The following LRRC4C variants were observed in gnomAD, a reference collection of about 807,000 sequenced individuals.
LRRC4C encodes leucine-rich repeat-containing protein 4C.
Under a neutral mutation model 33.6 loss-of-function variants are expected in LRRC4C, and 5 were observed. The observed-to-expected ratio is 0.15, with a 90% CI of 0.08 to 0.31. The LOEUF (loss-of-function observed/expected upper bound fraction) is 0.31. Among genes scored for constraint, LRRC4C ranks in the 10% least tolerant of loss-of-function variants. LRRC4C has a pLI of 1.00. For missense variants in LRRC4C, 560 were observed against 796.7 expected (o/e 0.70, Z 3.58); for synonymous variants, 329 against 302.0 (o/e 1.09, Z -0.93).
chr11:40,230,922 C>T (rs1865152520), intron 5 of LRRC4C, among the ~76,000 whole-genome samples: 1 of 152,192 alleles, frequency 6.6e-6, no homozygotes, highest in South Asian at 2.1e-4. Flanking sequence ...TAAAAGGCCA[C>T]TGTGTTGCAC....
At chr11:40,930,045 T>C (rs1171583572) in intron 2 of LRRC4C, among the ~76,000 whole-genome samples, 1 of 152,136 alleles carries the variant, frequency 6.6e-6, no homozygotes, top group Non-Finnish European at 1.5e-5. Context: ...TGAAAGTTTC[T>C]TACAAATATA....
chr11:41,251,318 C>G (rs558490820), intron 1 of LRRC4C, among the ~76,000 whole-genome samples: 1 of 152,316 alleles, frequency 6.6e-6, no homozygotes, highest in South Asian at 2.1e-4. Flanking sequence ...TCACTAACAT[C>G]TAATTCTTCG....
At chr11:40,656,694 A>G (rs774894112) in intron 2 of LRRC4C, among the ~76,000 whole-genome samples, 34 of 152,194 alleles carry the variant, frequency 2.2e-4, no homozygotes, top group Non-Finnish European at 4.0e-4. Context: ...TGCTAATTTT[A>G]GTCATTATGC....
chr11:40,424,351 TA>T (rs1273527640), intron 3 of LRRC4C, among the ~76,000 whole-genome samples: 2 of 152,186 alleles, frequency 1.3e-5, no homozygotes, highest in Non-Finnish European at 2.9e-5. Context: ...TGAAGAGCCT[TA>T]AAAACTTTCA....
intron 1 of LRRC4C, among the ~76,000 whole-genome samples, chr11:41,112,320 G>A (rs1228113977): frequency 1.3e-5 from 2 of 151,972 alleles, no homozygotes; most frequent in East Asian, 1.9e-4. Flanking sequence ...CAGACACTTC[G>A]GCAGAAATTG....
intron 1 of LRRC4C, among the ~76,000 whole-genome samples, chr11:41,389,256 T>A (rs1312929458): frequency 6.6e-6 from 1 of 151,834 alleles, no homozygotes; most frequent in Admixed American, 6.6e-5. Flanking sequence ...GTGGTGTAAG[T>A]ACCCTTATGA....
At chr11:40,445,062 T>C (rs1305171929) in intron 3 of LRRC4C, among the ~76,000 whole-genome samples, 2 of 152,152 alleles carry the variant, frequency 1.3e-5, no homozygotes, top group East Asian at 1.9e-4. Flanking sequence ...GCATAAGCAA[T>C]TGTGGAGGAC....
chr11:40,671,802 T>C (rs1047715874), intron 2 of LRRC4C, among the ~76,000 whole-genome samples: 2 of 152,120 alleles, frequency 1.3e-5, no homozygotes, highest in African/African-American at 4.8e-5. Flanking sequence ...TTACTCTGTT[T>C]TATATTTTCA....
intron 1 of LRRC4C, among the ~76,000 whole-genome samples, chr11:40,990,244 T>G (rs1169176571): frequency 7.9e-6 from 1 of 126,842 alleles, no homozygotes; most frequent in African/African-American, 3.2e-5. Flanking sequence ...TATATATATA[T>G]ATATATATAT....
chr11:40,297,811 A>T (rs1286584958), intron 4 of LRRC4C, among the ~76,000 whole-genome samples: 2 of 152,162 alleles, frequency 1.3e-5, no homozygotes, highest in Non-Finnish European at 2.9e-5. Context: ...GCCATTGATG[A>T]AATTGGACTT....
chr11:40,562,755 T>G (rs1018954745), intron 3 of LRRC4C, among the ~76,000 whole-genome samples: 1 of 152,110 alleles, frequency 6.6e-6, no homozygotes, highest in Non-Finnish European at 1.5e-5. Flanking sequence ...CTATGACTAC[T>G]CCAAGCCAAT....
chr11:40,516,724 T>G (rs1387147493), intron 3 of LRRC4C, among the ~76,000 whole-genome samples: 2 of 152,120 alleles, frequency 1.3e-5, no homozygotes, highest in African/African-American at 4.8e-5. Context: ...CAATTTTTCT[T>G]CTGCATAAAA....
chr11:40,906,544 A>C (rs1330223544), intron 2 of LRRC4C, among the ~76,000 whole-genome samples: 1 of 152,080 alleles, frequency 6.6e-6, no homozygotes, highest in Non-Finnish European at 1.5e-5. Context: ...ACAAACAAAC[A>C]AACCTACATA....
chr11:41,287,976 G>T (rs929517467), intron 1 of LRRC4C, among the ~76,000 whole-genome samples: 1 of 152,134 alleles, frequency 6.6e-6, no homozygotes, highest in African/African-American at 2.4e-5. Context: ...CATGGGAGAG[G>T]TCTGCACCAG....
intron 1 of LRRC4C, among the ~76,000 whole-genome samples, chr11:41,035,287 C>T (rs867461439): frequency 2.0e-5 from 3 of 151,950 alleles, no homozygotes; most frequent in Middle Eastern, 3.4e-3. Flanking sequence ...TAAACATGTG[C>T]CATGATGGTT....
intron 1 of LRRC4C, among the ~76,000 whole-genome samples, chr11:40,978,063 C>T (rs565704046): frequency 6.6e-6 from 1 of 152,348 alleles, no homozygotes; most frequent in South Asian, 2.1e-4. Flanking sequence ...CTATCCCTGA[C>T]AGAGTCCTCA....
chr11:40,451,602 G>T (rs57148181), intron 3 of LRRC4C, among the ~76,000 whole-genome samples: 7,375 of 151,658 alleles, frequency 0.049, 409 homozygotes, highest in African/African-American at 0.13. Context: ...GGCCAGGCTG[G>T]TCTCAAACTC....
chr11:41,260,092 AAG>A (rs1948929846), intron 1 of LRRC4C, among the ~76,000 whole-genome samples: 1 of 152,008 alleles, frequency 6.6e-6, no homozygotes, highest in Non-Finnish European at 1.5e-5. Flanking sequence ...TTTTAAATGA[AAG>A]AATTAGGACT....
chr11:41,039,981 C>CA (rs1186859464), intron 1 of LRRC4C, among the ~76,000 whole-genome samples: 2 of 151,306 alleles, frequency 1.3e-5, no homozygotes, highest in Non-Finnish European at 2.9e-5. Flanking sequence ...ACTAAAAATA[C>CA]AAAAAAATTA....
Sources: gnomAD v4.1 joint callset for allele counts (sites outside exome capture counted in the v4.1 genomes callset) on GRCh38, gnomAD v4.1.1 for gene constraint, MANE v1.5 for transcripts, NCBI Gene and HGNC (gene_info 2026-07-23, HGNC 2026-07-21) for gene names.